PCDH9: variants seen among roughly 807,000 people sequenced by gnomAD.
The protein encoded by PCDH9 is protocadherin 9, also known as protocadherin-9.
PCDH9 carries 24 observed loss-of-function variants against 70.6 expected under a neutral mutation model. The ratio of observed to expected loss-of-function variants is 0.34; its 90% CI spans 0.25 to 0.48. PCDH9 has a LOEUF of 0.48. PCDH9 is among the 20% of genes least tolerant of loss of function. The pLI is 0.99. For synonymous variants in PCDH9, 562 were observed against 558.5 expected (o/e 1.01, Z -0.09); for missense variants, 1,281 against 1,503.6 (o/e 0.85, Z 2.45).
chr13:66,464,679 C>A (rs1958485783), intron 4 of PCDH9, among the ~76,000 whole-genome samples: 1 of 151,852 alleles, frequency 6.6e-6, no homozygotes, highest in Admixed American at 6.6e-5. Flanking sequence ...AAATCTGTTA[C>A]TTTTCCATTT....
intron 4 of PCDH9, among the ~76,000 whole-genome samples, chr13:66,532,273 G>T (rs1276674067): frequency 6.6e-6 from 1 of 151,908 alleles, no homozygotes; most frequent in Non-Finnish European, 1.5e-5. Context: ...CAAAGTGTCC[G>T]GATGATGGGC....
At chr13:66,681,767 G>GT in intron 3 of PCDH9, among the ~76,000 whole-genome samples, 1 of 151,978 alleles carries the variant, frequency 6.6e-6, no homozygotes, top group South Asian at 2.1e-4. Flanking sequence ...CATCTCTGCT[G>GT]TAACAGTTTG....
intron 2 of PCDH9, among the ~76,000 whole-genome samples, chr13:67,078,233 G>A (rs529988976): frequency 2.0e-4 from 31 of 152,204 alleles, no homozygotes; most frequent in Non-Finnish European, 3.4e-4. Context: ...CAAGGAATTC[G>A]TGCTGGTACC....
At chr13:66,815,786 G>A (rs1313703966) in intron 3 of PCDH9, among the ~76,000 whole-genome samples, 1 of 152,026 alleles carries the variant, frequency 6.6e-6, no homozygotes, top group Non-Finnish European at 1.5e-5. Flanking sequence ...AGAAGGGTGA[G>A]GATCGAAAAA....
At chr13:66,336,489 A>G (rs187608242) in intron 4 of PCDH9, among the ~76,000 whole-genome samples, 10 of 152,212 alleles carry the variant, frequency 6.6e-5, no homozygotes, top group Middle Eastern at 6.8e-3. Flanking sequence ...TGGAATTAAA[A>G]GTTTATTATA....
chr13:66,479,331 G>A (rs923434157), intron 4 of PCDH9, among the ~76,000 whole-genome samples: 14 of 152,182 alleles, frequency 9.2e-5, no homozygotes, highest in African/African-American at 3.4e-4. Flanking sequence ...CATCCATTCT[G>A]CAGCTCATGG....
In PCDH9 at chr13:67,006,514, T is replaced by C. The variant is rs549547229; in HGVS notation, c.3037-102909A>G. Among the ~76,000 whole-genome samples the C allele has an allele frequency of 3.9e-5, 6 of 152,304 alleles. No individual in the cohort carries two copies. In the South Asian group the frequency reaches 1.0e-3, roughly 26 times the overall value. ...GGTTAGATCTGGAAATAAGTATTTG[T>C]AGTCATATCCCTGGCGATTTTCTGC... On this transcript the variant is annotated intron_variant, in intron 2 of 4. Transcript: ENST00000377865.
chr13:67,150,566 G>C (rs747206638), intron 2 of PCDH9, among the ~76,000 whole-genome samples: 1 of 151,966 alleles, frequency 6.6e-6, no homozygotes, highest in African/African-American at 2.4e-5. Flanking sequence ...CATTCAATCC[G>C]TTGGTTTTGC....
At chr13:67,106,386 A>G (rs1238352198) in intron 2 of PCDH9, among the ~76,000 whole-genome samples, 1 of 152,248 alleles carries the variant, frequency 6.6e-6, no homozygotes, top group African/African-American at 2.4e-5. Flanking sequence ...GGTTATCTTA[A>G]GCTTAACTGT....
chr13:66,425,925 C>T (rs917779043), intron 4 of PCDH9, among the ~76,000 whole-genome samples: 3 of 151,446 alleles, frequency 2.0e-5, no homozygotes, highest in Non-Finnish European at 4.4e-5. Flanking sequence ...TTCTAATCTC[C>T]ATCAAATCTC....
At chr13:66,762,961 A>G (rs1029721217) in intron 3 of PCDH9, among the ~76,000 whole-genome samples, 1 of 151,682 alleles carries the variant, frequency 6.6e-6, no homozygotes, top group Non-Finnish European at 1.5e-5. Context: ...CAAAATAATA[A>G]GACTATTTTT....
chr13:66,340,859 T>G (rs1441967751), intron 4 of PCDH9, among the ~76,000 whole-genome samples: 2 of 151,884 alleles, frequency 1.3e-5, no homozygotes, highest in East Asian at 3.9e-4. Flanking sequence ...ATTGTATTAG[T>G]AGATTTTCTG....
At chr13:66,334,338 G>A (rs1415539466) in intron 4 of PCDH9, among the ~76,000 whole-genome samples, 2 of 152,078 alleles carry the variant, frequency 1.3e-5, no homozygotes, top group African/African-American at 4.8e-5. Context: ...GCACATTGAT[G>A]TTGCTGCAAA....
intron 3 of PCDH9, among the ~76,000 whole-genome samples, chr13:66,686,139 T>C (rs959778980): frequency 6.6e-6 from 1 of 152,168 alleles, no homozygotes; most frequent in Non-Finnish European, 1.5e-5. Context: ...CACCCAAATC[T>C]CATCTTGAAT....
At chr13:66,644,913 A>G (rs571537796) in intron 3 of PCDH9, among the ~76,000 whole-genome samples, 1 of 152,226 alleles carries the variant, frequency 6.6e-6, no homozygotes, top group African/African-American at 2.4e-5. Context: ...TGCTCCTCAT[A>G]TTAGAAAATA....
At chr13:66,941,131 T>A (rs1010360199) in intron 2 of PCDH9, among the ~76,000 whole-genome samples, 1 of 151,892 alleles carries the variant, frequency 6.6e-6, no homozygotes, top group African/African-American at 2.4e-5. Flanking sequence ...ACAGTATTTA[T>A]GATATAAAAG....
At chr13:66,926,997 G>A (rs1440169157) in intron 2 of PCDH9, among the ~76,000 whole-genome samples, 1 of 152,034 alleles carries the variant, frequency 6.6e-6, no homozygotes, top group Non-Finnish European at 1.5e-5. Flanking sequence ...CGGTCTCACT[G>A]TTTTTCTTTG....
At chr13:66,332,036 C>T (rs145930818) in intron 4 of PCDH9, among the ~76,000 whole-genome samples, 10 of 152,148 alleles carry the variant, frequency 6.6e-5, no homozygotes, top group Non-Finnish European at 1.0e-4. Flanking sequence ...AGAGTGCAGT[C>T]AGGGAGATGA....
chr13:66,325,421 T>C (rs74093047), intron 4 of PCDH9, among the ~76,000 whole-genome samples: 1,983 of 152,030 alleles, frequency 0.013, 75 homozygotes, highest in African/African-American at 0.046. Context: ...TCCTATGAGA[T>C]GGGGGGAGAA....
Sources: gnomAD v4.1 joint callset for allele counts (sites outside exome capture counted in the v4.1 genomes callset) on GRCh38, gnomAD v4.1.1 for gene constraint, MANE v1.5 for transcripts, NCBI Gene and HGNC (gene_info 2026-07-23, HGNC 2026-07-21) for gene names.